TACC2: variants seen among roughly 807,000 people sequenced by gnomAD.
TACC2 encodes the protein transforming acidic coiled-coil-containing protein 2.
TACC2 carries 137 observed loss-of-function variants against 227.3 expected under a neutral mutation model. That is an observed-to-expected ratio of 0.60 (90% CI 0.52 to 0.69). TACC2 has a LOEUF of 0.69. Among genes scored for constraint, TACC2 ranks in the 30% least tolerant of loss-of-function variants. The pLI is 0.00. For missense variants in TACC2, 3,470 were observed against 3,694.4 expected (o/e 0.94, Z 1.57); for synonymous variants, 1,523 against 1,487.5 (o/e 1.02, Z -0.55).
intron 7 of TACC2, among the ~76,000 whole-genome samples, chr10:122,151,141 A>G (rs2091998687): frequency 6.6e-6 from 1 of 152,194 alleles, no homozygotes; most frequent in Admixed American, 6.5e-5. Context: ...CCCAGCAGTG[A>G]TGGGGAAAAG....
intron 1 of TACC2, among the ~76,000 whole-genome samples, chr10:122,013,160 G>T (rs3829197): frequency 1.3e-5 from 2 of 151,918 alleles, no homozygotes; most frequent in African/African-American, 4.8e-5. Flanking sequence ...GGGACTCTCT[G>T]AGGTTTTCCC....
intron 7 of TACC2, among the ~76,000 whole-genome samples, chr10:122,149,961 C>G (rs958670517): frequency 6.6e-6 from 1 of 152,216 alleles, no homozygotes; most frequent in Admixed American, 6.5e-5. Context: ...TTGATGGGTC[C>G]CCTGGTTCCC....
At chr10:122,216,394 TA>T (rs1555150117) in intron 10 of TACC2, among the ~76,000 whole-genome samples, 13 of 151,164 alleles carry the variant, frequency 8.6e-5, no homozygotes, top group African/African-American at 3.2e-4. Context: ...TTTTTTTTTT[TA>T]AATTCATGGT....
At chr10:122,208,783 T>C (rs1047445636) in intron 8 of TACC2, among the ~76,000 whole-genome samples, 1 of 152,236 alleles carries the variant, frequency 6.6e-6, no homozygotes, top group South Asian at 2.1e-4. Flanking sequence ...TTGGAAACGC[T>C]GTCCCAGGTC....
chr10:122,116,015 T>G (rs549735589), intron 5 of TACC2, among the ~76,000 whole-genome samples: 2 of 152,312 alleles, frequency 1.3e-5, no homozygotes, highest in South Asian at 4.2e-4. Flanking sequence ...GTGTTTTTTT[T>G]CTGCCTCTCC....
chr10:121,999,255 G>A (rs1953973325), intron 1 of TACC2, among the ~76,000 whole-genome samples: 1 of 152,072 alleles, frequency 6.6e-6, no homozygotes, highest in Non-Finnish European at 1.5e-5. Flanking sequence ...GATTGGAATG[G>A]CCATTTCTAA....
intron 2 of TACC2, among the ~76,000 whole-genome samples, chr10:122,049,806 T>C (rs1421262693): frequency 6.6e-6 from 1 of 152,128 alleles, no homozygotes; most frequent in Non-Finnish European, 1.5e-5. Flanking sequence ...TTTTGCATCC[T>C]GGTTTTAAAA....
intron 7 of TACC2, among the ~76,000 whole-genome samples, chr10:122,173,077 A>T (rs1351812696): frequency 6.6e-5 from 10 of 152,010 alleles, no homozygotes; most frequent in Non-Finnish European, 1.2e-4. Context: ...ACCAATTCAA[A>T]CTGACTTAGA....
Position 122,087,323 on chromosome 10 carries a change from G to A in TACC2, c.4823G>A (p.Ser1608Asn), listed in dbSNP as rs769956931. 2 of 1,613,906 alleles carry A rather than the reference G, an allele frequency of 1.2e-6. No homozygotes were observed. The highest frequency in any genetic ancestry group is 8.5e-7 in the Non-Finnish European group (1 of 1,180,026). ...KQHQETSACD[S>N]PHGEDGPGDF... ...CACCAGGAAACATCTGCCTGCGACA[G>A]TCCACATGGAGAAGATGGTCCCGGG... The change falls in exon 4 of 23, where the codon AGT becomes AAT. Residue 1608 changes from serine to asparagine, a missense_variant. Ser to Asn is a conservative substitution (Grantham distance 46). Coordinates refer to ENST00000369005, the MANE Select transcript of TACC2 (RefSeq NM_206862.4).
chr10:122,251,862 T>G (rs2096261753), intron 22 of TACC2, among the ~76,000 whole-genome samples: 1 of 152,250 alleles, frequency 6.6e-6, no homozygotes, highest in Admixed American at 6.5e-5. Flanking sequence ...TAAATTGCAT[T>G]ATCTTAAACT....
intron 22 of TACC2, among the ~76,000 whole-genome samples, chr10:122,253,553 G>A (rs567249377): frequency 7.9e-5 from 12 of 152,012 alleles, no homozygotes; most frequent in Admixed American, 2.0e-4. Flanking sequence ...TCCCATTCAC[G>A]TAGAACTGCG....
At chr10:122,046,130 A>T (rs9420343) in intron 2 of TACC2, among the ~76,000 whole-genome samples, 1 of 150,234 alleles carries the variant, frequency 6.7e-6, no homozygotes, top group African/African-American at 2.5e-5. Context: ...AGCTGAGATC[A>T]CGCCATTGCA....
intron 8 of TACC2, among the ~76,000 whole-genome samples, chr10:122,203,842 C>T (rs1159388538): frequency 7.2e-5 from 11 of 152,184 alleles, no homozygotes; most frequent in East Asian, 1.9e-4. Context: ...GCCGAGATCA[C>T]GCCACTGCAC....
chr10:122,105,956 G>C (rs1306940438), intron 5 of TACC2, among the ~76,000 whole-genome samples: 2 of 147,252 alleles, frequency 1.4e-5, no homozygotes, highest in African/African-American at 5.0e-5. Context: ...GTGTGTGTGT[G>C]TGTGTGTGTG....
intron 2 of TACC2, among the ~76,000 whole-genome samples, chr10:122,043,162 C>T (rs1250526149): frequency 6.6e-6 from 1 of 152,162 alleles, no homozygotes; most frequent in African/African-American, 2.4e-5. Context: ...CTCTTTAAAT[C>T]ATATTGTTTC....
rs773704307 is a variant in TACC2, at chr10:122,082,836, C to A, written c.336C>A (p.Pro112=). The A allele has an allele frequency of 1.9e-6, 3 of 1,613,694 alleles. No homozygotes were observed. The highest frequency in any genetic ancestry group is 1.7e-6 in the Non-Finnish European group (2 of 1,180,016). ...GAGAGCACCCCTCGTCCTCCATGCC[C>A]TTTGCCGAGTGTCCCCCGGAAGGTT... is the stretch of plus-strand genomic sequence containing the variant. ...QEREHPSSSM[P]FAECPPEGCL... Residue 112 remains proline, a synonymous_variant, in exon 4 of 23, where the codon CCC becomes CCA. Transcript: ENST00000369005.
intron 7 of TACC2, among the ~76,000 whole-genome samples, chr10:122,183,701 A>G (rs1192007311): frequency 6.6e-6 from 1 of 152,138 alleles, no homozygotes; most frequent in Non-Finnish European, 1.5e-5. Context: ...TGCCAAACCT[A>G]CTGGAGACTG....
At chr10:122,014,929 A>G (rs1444879404) in intron 1 of TACC2, among the ~76,000 whole-genome samples, 1 of 152,172 alleles carries the variant, frequency 6.6e-6, no homozygotes, top group East Asian at 1.9e-4. Context: ...CTGTTATAAA[A>G]CTAAATAAAC....
At position 122,250,497 on chromosome 10, in the gene TACC2, G is replaced by A. The variant is rs1304039581; in HGVS notation, c.8781+833G>A. 3.9e-5 allele frequency among the ~76,000 whole-genome samples: 6 copies of A among 152,178 alleles called. No individual in the cohort carries two copies. The East Asian group carries it at 1.2e-3, about 29-fold the overall frequency. The stretch of plus-strand genomic sequence containing the variant: ...CAGAAATCCATGTGCCTCCCGAGTG[G>A]CCTCTACTACCGCAGGAGCACCCAG... On this transcript the variant is annotated intron_variant, in intron 22 of 22. Transcript: ENST00000369005.
Sources: gnomAD v4.1 joint callset for allele counts (sites outside exome capture counted in the v4.1 genomes callset) on GRCh38, gnomAD v4.1.1 for gene constraint, MANE v1.5 for transcripts, NCBI Gene and HGNC (gene_info 2026-07-23, HGNC 2026-07-21) for gene names.